Variants in SLC44A1 observed in about 807,000 individuals in gnomAD.
SLC44A1 encodes solute carrier family 44 member 1, also known as choline transporter-like protein 1.
Under a neutral mutation model 79.3 loss-of-function variants are expected in SLC44A1, and 26 were observed. The ratio of observed to expected loss-of-function variants is 0.33; its 90% confidence interval spans 0.24 to 0.46. The LOEUF is 0.46. Ranked by LOEUF, SLC44A1 falls within the 20% of genes least tolerant of loss-of-function variation. The pLI is 1.00. For synonymous variants in SLC44A1, 263 were observed against 286.2 expected, an observed-to-expected ratio of 0.92 and a Z score of 0.82; for missense variants, 688 against 798.1, an observed-to-expected ratio of 0.86 and a Z score of 1.66.
chr9:105,250,918 C>T (rs1829569214), intron 1 of SLC44A1, among the ~76,000 whole-genome samples: 1 of 152,058 alleles, frequency 6.6e-6, no homozygotes, highest in Non-Finnish European at 1.5e-5. Flanking sequence ...CAGGGCTAAC[C>T]CATAATAGTA....
intron 1 of SLC44A1, among the ~76,000 whole-genome samples, chr9:105,287,251 A>G (rs1035204808): frequency 6.6e-6 from 1 of 152,198 alleles, no homozygotes; most frequent in East Asian, 1.9e-4. Flanking sequence ...CACCTTAGAT[A>G]TATATACTTT....
chr9:105,371,871 C>G (rs1334397725), intron 12 of SLC44A1, among the ~76,000 whole-genome samples: 2 of 152,028 alleles, frequency 1.3e-5, no homozygotes, highest in Non-Finnish European at 2.9e-5. Context: ...TGTGTTCTTT[C>G]AGAATAGAAC....
At chr9:105,245,935 A>G (rs565002301) in intron 1 of SLC44A1, among the ~76,000 whole-genome samples, 4 of 152,328 alleles carry the variant, frequency 2.6e-5, no homozygotes, top group South Asian at 2.1e-4. Flanking sequence ...TAGCGAGTGT[A>G]TTTACAAATA....
chr9:105,394,304 A>C lies in SLC44A1; in HGVS notation c.*5248A>C. The C allele has an allele frequency of 2.0e-6, 2 of 985,338 alleles. No homozygotes were observed. Among genetic ancestry groups the C allele is most frequent in the Non-Finnish European group, 2.4e-6 (2 of 829,906 alleles). The allele number at this position is 985,338 out of a possible 1,614,324, so 61.0% of individuals were successfully genotyped here. A position where few individuals can be genotyped will look rare whatever the true frequency, so the allele number is the denominator to read the frequency against. ...TTTTATAACTTAAAGACTTTATGTA[A>C]TTTAGTAGCAGGTTAGGGAATAGAA... On this transcript the variant is annotated 3_prime_UTR_variant, in exon 16 of 16. Coordinates refer to ENST00000374720, the MANE Select transcript of SLC44A1 (RefSeq NM_080546.5).
intron 1 of SLC44A1, among the ~76,000 whole-genome samples, chr9:105,278,538 G>A (rs1438005745): frequency 2.0e-5 from 3 of 151,972 alleles, no homozygotes; most frequent in East Asian, 1.9e-4. Flanking sequence ...GTGAGCCACC[G>A]CGCCTGGCCT....
intron 12 of SLC44A1, among the ~76,000 whole-genome samples, chr9:105,368,939 G>A (rs1381063602): frequency 2.0e-5 from 3 of 152,284 alleles, no homozygotes; most frequent in East Asian, 1.9e-4. Flanking sequence ...TCCGGAGGCC[G>A]AGGCAGGAGA....
chr9:105,342,927 C>G (rs546737952), intron 4 of SLC44A1, among the ~76,000 whole-genome samples: 190 of 151,326 alleles, frequency 1.3e-3, no homozygotes, highest in African/African-American at 4.6e-3. Flanking sequence ...ATCACTTGAG[C>G]TCAGGAGTTC....
chr9:105,376,832 C>T (rs542744906), intron 13 of SLC44A1, among the ~76,000 whole-genome samples: 1 of 152,208 alleles, frequency 6.6e-6, no homozygotes, highest in East Asian at 1.9e-4. Flanking sequence ...TTGGTCCTCC[C>T]CTGTAAGGTG....
chr9:105,351,670 G>GAAAT (rs1827449889), intron 5 of SLC44A1, among the ~76,000 whole-genome samples: 1 of 150,486 alleles, frequency 6.6e-6, no homozygotes, highest in Non-Finnish European at 1.5e-5. Flanking sequence ...AAGAAAGAAA[G>GAAAT]AAAGAACCAA....
chr9:105,284,342 G>A (rs549115851), intron 1 of SLC44A1, among the ~76,000 whole-genome samples: 3 of 151,732 alleles, frequency 2.0e-5, no homozygotes, highest in African/African-American at 7.3e-5. Flanking sequence ...TGGGATTATA[G>A]GCATGAGCCA....
At chr9:105,284,542 A>C (rs1375676742) in intron 1 of SLC44A1, among the ~76,000 whole-genome samples, 1 of 152,164 alleles carries the variant, frequency 6.6e-6, no homozygotes, top group African/African-American at 2.4e-5. Context: ...GAGGGATTGA[A>C]AGTCAGCACC....
intron 2 of SLC44A1, among the ~76,000 whole-genome samples, chr9:105,306,126 C>T (rs1315873266): frequency 6.6e-6 from 1 of 152,158 alleles, no homozygotes; most frequent in Non-Finnish European, 1.5e-5. Context: ...AAAGCACTTC[C>T]ATAGCTCAGT....
At chr9:105,280,697 A>G (rs1486560288) in intron 1 of SLC44A1, among the ~76,000 whole-genome samples, 2 of 152,236 alleles carry the variant, frequency 1.3e-5, no homozygotes, top group African/African-American at 4.8e-5. Flanking sequence ...GTTTCCACAA[A>G]AAGAAAAACA....
chr9:105,333,809 CAAA>C (rs113936952), intron 3 of SLC44A1, among the ~76,000 whole-genome samples: 1 of 133,192 alleles, frequency 7.5e-6, no homozygotes, highest in Non-Finnish European at 1.6e-5. Flanking sequence ...AACTCCATCT[CAAA>C]AAAAAAAAAA....
At chr9:105,260,775 A>C (rs1334519935) in intron 1 of SLC44A1, among the ~76,000 whole-genome samples, 1 of 152,168 alleles carries the variant, frequency 6.6e-6, no homozygotes, top group African/African-American at 2.4e-5. Flanking sequence ...TATGATCTGC[A>C]CTGGAGGATT....
chr9:105,276,612 GTGTGTGTA>G (rs1554785755), intron 1 of SLC44A1, among the ~76,000 whole-genome samples: 7 of 142,684 alleles, frequency 4.9e-5, no homozygotes, highest in African/African-American at 1.1e-4. Flanking sequence ...GTGTGTGTGT[GTGTGTGTA>G]TGTGCCTGCA....
chr9:105,411,597 A>T (rs1829096571), intron 15 of SLC44A1, among the ~76,000 whole-genome samples: 1 of 150,598 alleles, frequency 6.6e-6, no homozygotes, highest in Non-Finnish European at 1.5e-5. Flanking sequence ...CACACATTGC[A>T]TTTCATTTTC....
chr9:105,286,768 G>A (rs1448551964), intron 1 of SLC44A1, among the ~76,000 whole-genome samples: 3 of 152,064 alleles, frequency 2.0e-5, no homozygotes, highest in African/African-American at 7.2e-5. Context: ...TTTGAGACCA[G>A]CCTGGGCAAC....
chr9:105,345,435 GT>G (rs1242028631), intron 4 of SLC44A1, among the ~76,000 whole-genome samples: 1 of 152,138 alleles, frequency 6.6e-6, no homozygotes, highest in Non-Finnish European at 1.5e-5. Context: ...TAGAACGTAT[GT>G]TTTTTGGCCC....
Sources: allele counts gnomAD v4.1 joint callset (sites outside exome capture counted in the v4.1 genomes callset), GRCh38; gene constraint gnomAD v4.1.1; transcripts MANE v1.5; gene names NCBI Gene and HGNC (gene_info 2026-07-23, HGNC 2026-07-21).